Variants in SDCCAG8 observed in about 807,000 individuals in gnomAD.
The protein encoded by SDCCAG8 is SHH signaling and ciliogenesis regulator SDCCAG8, also known as serologically defined colon cancer antigen 8.
SDCCAG8 carries 74 observed loss-of-function variants against 101.8 expected under a neutral mutation model. The observed-to-expected ratio is 0.73, with a 90% CI of 0.60 to 0.88. The LOEUF is 0.88. Ranked by LOEUF, SDCCAG8 falls within the 40% of genes least tolerant of loss-of-function variation. SDCCAG8 has a pLI of 0.00. For missense variants in SDCCAG8, 787 were observed against 822.6 expected (o/e 0.96, Z 0.53); for synonymous variants, 281 against 292.9 (o/e 0.96, Z 0.41).
chr1:243,387,304 A>G (rs1290090783), intron 13 of SDCCAG8, among the ~76,000 whole-genome samples: 4 of 151,854 alleles, frequency 2.6e-5, no homozygotes, highest in African/African-American at 7.3e-5. Context: ...TCTGATCTTG[A>G]GGGGAACTAC....
intron 13 of SDCCAG8, among the ~76,000 whole-genome samples, chr1:243,392,567 A>G (rs2078765933): frequency 6.6e-6 from 1 of 152,252 alleles, no homozygotes; most frequent in African/African-American, 2.4e-5. Context: ...GTTTGAGGAA[A>G]GATGATAATG....
chr1:243,451,872 T>A (rs924367353), intron 16 of SDCCAG8, among the ~76,000 whole-genome samples: 1 of 152,168 alleles, frequency 6.6e-6, no homozygotes, highest in African/African-American at 2.4e-5. Flanking sequence ...GAGGTTGCCG[T>A]GAGCTGAGAT....
rs997379629 is a variant in SDCCAG8 at position 243,256,052 on chromosome 1, C to T, written c.-122C>T. 1.1e-6 allele frequency: 1 copy of T among 903,420 alleles called. No individual in the cohort carries two copies. Among genetic ancestry groups the T allele is most frequent in the South Asian group, 1.3e-5 (1 of 76,792 alleles). 56.0% of individuals were successfully genotyped at this position (903,420 alleles called of 1,614,324 possible). On this transcript the variant is annotated 5_prime_UTR_variant, in exon 1 of 18. Transcript: ENST00000366541. The stretch of plus-strand genomic sequence containing the variant: ...GAGCTCTGTGCGGGATTCTAGGCTC[C>T]CCTGTGACAGCCGCGGCAGGAAGCA...
chr1:243,423,409 T>C (rs1418523911), intron 15 of SDCCAG8, among the ~76,000 whole-genome samples: 1 of 152,154 alleles, frequency 6.6e-6, no homozygotes, highest in Non-Finnish European at 1.5e-5. Flanking sequence ...TTATACCGTA[T>C]ATACAGTTTT....
chr1:243,296,533 CTCTTTTT>C (rs2070900126), intron 6 of SDCCAG8, among the ~76,000 whole-genome samples: 1 of 27,912 alleles, frequency 3.6e-5, no homozygotes, highest in Non-Finnish European at 8.2e-5. Flanking sequence ...ACCCCAACTG[CTCTTTTT>C]TTTTTTTTTT....
chr1:243,483,498 C>T (rs1040649632), intron 16 of SDCCAG8, among the ~76,000 whole-genome samples: 3 of 152,166 alleles, frequency 2.0e-5, no homozygotes, highest in Admixed American at 6.5e-5. Flanking sequence ...CGTCCTCTGC[C>T]GTGAAGATTG....
At chr1:243,378,551 G>T (rs936687599) in intron 12 of SDCCAG8, among the ~76,000 whole-genome samples, 170 bp from the exon 13 acceptor site, 1 of 152,082 alleles carries the variant, frequency 6.6e-6, no homozygotes, top group South Asian at 2.1e-4. Flanking sequence ...CCTCATTCAT[G>T]TGCATTTTTG....
At chr1:243,490,696 G>A (rs988048083) in intron 17 of SDCCAG8, among the ~76,000 whole-genome samples, 5 of 152,238 alleles carry the variant, frequency 3.3e-5, no homozygotes, top group Non-Finnish European at 2.9e-5. Flanking sequence ...GGCTGAGGAC[G>A]TGTGAGGGTG....
chr1:243,416,932 G>A lies in SDCCAG8; in HGVS notation c.1745-1036G>A, dbSNP rs1406730792. Among the ~76,000 whole-genome samples, 1 of 152,068 alleles carries A rather than the reference G, an allele frequency of 6.6e-6. No individual in the cohort carries two copies. Among genetic ancestry groups the A allele is most frequent in the Non-Finnish European group, 1.5e-5 (1 of 68,006 alleles). On this transcript the variant is annotated intron_variant, in intron 14 of 17. Transcript: ENST00000366541. The surrounding 1 kb of genome is among the most constrained non-coding windows in gnomAD (Gnocchi z 4.3). ...TGGCTAAAATTGAAAAGAAATAAAG[G>A]CCTCTTAAAACTTATGCTTAGAGGT...
chr1:243,311,922 T>C (rs1287377040), intron 8 of SDCCAG8, among the ~76,000 whole-genome samples: 1 of 152,238 alleles, frequency 6.6e-6, no homozygotes, highest in Non-Finnish European at 1.5e-5. Flanking sequence ...TGATCAGTTA[T>C]GTATTCCTTT....
At chr1:243,417,397 A>G (rs1475699166) in intron 14 of SDCCAG8, among the ~76,000 whole-genome samples, 1 of 152,198 alleles carries the variant, frequency 6.6e-6, no homozygotes, top group African/African-American at 2.4e-5. Flanking sequence ...TTCTTTGACC[A>G]GATCTCCATT....
At chr1:243,278,329 T>G (rs893551631) in intron 4 of SDCCAG8, among the ~76,000 whole-genome samples, 10 of 152,190 alleles carry the variant, frequency 6.6e-5, no homozygotes, top group Admixed American at 6.5e-4. Flanking sequence ...CAAACAATTC[T>G]TCTGCCTCAG....
intron 16 of SDCCAG8, among the ~76,000 whole-genome samples, chr1:243,432,658 A>G (rs1042846334): frequency 6.6e-6 from 1 of 152,246 alleles, no homozygotes; most frequent in African/African-American, 2.4e-5. Flanking sequence ...TGATTTTATA[A>G]CATGGGTTTA....
chr1:243,262,940 TA>T (rs1208860776), intron 1 of SDCCAG8, among the ~76,000 whole-genome samples: 3 of 152,196 alleles, frequency 2.0e-5, no homozygotes, highest in African/African-American at 4.8e-5. Flanking sequence ...TGAAACAAAA[TA>T]AAGCTAAATA....
chr1:243,413,996 C>A (rs1482288348), intron 13 of SDCCAG8, among the ~76,000 whole-genome samples: 1 of 152,196 alleles, frequency 6.6e-6, no homozygotes, highest in Non-Finnish European at 1.5e-5. Context: ...AACATCCAAT[C>A]ATGAAATATT....
At chr1:243,291,240 A>G (rs2149292857) in intron 5 of SDCCAG8, among the ~76,000 whole-genome samples, 2 of 152,360 alleles carry the variant, frequency 1.3e-5, no homozygotes, top group Middle Eastern at 6.8e-3. Flanking sequence ...TCTTGTACAC[A>G]TAAATTCCCC....
At position 243,332,162 on chromosome 1, in the gene SDCCAG8, C is replaced by T. The variant is rs183066447; in HGVS notation, c.1221+1470C>T. ...GCACTTTCTAGGAATTTGGAGAAGG[C>T]CCTGATGGGTGGAGCATAGAGAGAG... On this transcript the variant is annotated intron_variant, in intron 10 of 17. Transcript: ENST00000366541. Among the ~76,000 whole-genome samples, 4 of 152,156 alleles carry T rather than the reference C, an allele frequency of 2.6e-5. No individual in the cohort carries two copies. The East Asian group carries it at 7.7e-4, about 29-fold the overall frequency.
At chr1:243,330,726 G>T (rs746913416) in intron 10 of SDCCAG8, 34 bp downstream of exon 10, 1 of 1,612,318 alleles carries the variant, frequency 6.2e-7, no homozygotes, top group Admixed American at 1.7e-5. Context: ...CCACATTGCA[G>T]AAGAAAGGTT....
intron 13 of SDCCAG8, among the ~76,000 whole-genome samples, chr1:243,413,436 C>A (rs1246674295): frequency 1.3e-5 from 2 of 152,104 alleles, no homozygotes; most frequent in African/African-American, 4.8e-5. Flanking sequence ...TAACTCCTGG[C>A]CTTAAGTGAT....
Sources: allele counts gnomAD v4.1 joint callset (sites outside exome capture counted in the v4.1 genomes callset), GRCh38; gene constraint gnomAD v4.1.1; non-coding constraint Gnocchi (gnomAD v3.1); transcripts MANE v1.5; gene names NCBI Gene and HGNC (gene_info 2026-07-23, HGNC 2026-07-21).